CHD2: variants seen among roughly 807,000 people sequenced by gnomAD.
CHD2 encodes the protein chromodomain helicase DNA binding protein 2, also known as ATP-dependent chromatin remodeler CHD2.
CHD2 carries 28 observed loss-of-function variants against 243.9 expected under a neutral mutation model. The ratio of observed to expected loss-of-function variants is 0.11; its 90% CI spans 0.09 to 0.16. The LOEUF (loss-of-function observed/expected upper bound fraction) is 0.16. Among genes scored for constraint, CHD2 ranks in the 10% least tolerant of loss-of-function variants. The pLI is 1.00. For missense variants in CHD2, 1,386 were observed against 2,209.8 expected (o/e 0.63, Z 7.47); for synonymous variants, 775 against 779.0 (o/e 0.99, Z 0.09).
chr15:93,020,611 T>C (rs2054523158), intron 38 of CHD2: 1 of 456,652 alleles, frequency 2.2e-6, no homozygotes, highest in Admixed American at 3.8e-5. Context: ...CAGCCCACAG[T>C]CCTTACCTGC....
chr15:92,932,345 A>T (rs1292940408), intron 5 of CHD2, among the ~76,000 whole-genome samples: 1 of 148,262 alleles, frequency 6.7e-6, no homozygotes, highest in African/African-American at 2.5e-5. Flanking sequence ...CACAATGTGC[A>T]GGTTTGTTAC....
intron 12 of CHD2, chr15:92,947,401 C>T (rs2053487372): frequency 6.6e-6 from 1 of 152,024 alleles, no homozygotes; most frequent in Admixed American, 6.6e-5. Context: ...TCTTATAGTT[C>T]AATAGGAGAA....
At chr15:92,940,857 TAAATATATA>T (rs1290126465) in intron 7 of CHD2, among the ~76,000 whole-genome samples, 6 of 131,846 alleles carry the variant, frequency 4.6e-5, no homozygotes, top group Non-Finnish European at 9.6e-5. Context: ...TATAAATATA[TAAATATATA>T]AAAATATACA....
chr15:92,956,117 A>G (rs2141816055), intron 15 of CHD2, among the ~76,000 whole-genome samples: 1 of 152,312 alleles, frequency 6.6e-6, no homozygotes, highest in Non-Finnish European at 1.5e-5. Context: ...AGAATAGGCA[A>G]GAGAAGGACC....
intron 13 of CHD2, 109 bp downstream of exon 13, chr15:92,949,185 A>G (rs2053518197): frequency 1.9e-6 from 3 of 1,546,780 alleles, no homozygotes; most frequent in Non-Finnish European, 2.6e-6. Flanking sequence ...TATCTCAACC[A>G]AGAAATCTTT....
intron 9 of CHD2, chr15:92,943,631 T>G (rs552702426): frequency 6.3e-6 from 1 of 157,984 alleles, no homozygotes; most frequent in East Asian, 1.9e-4. Context: ...TTAGTTTACT[T>G]ACAGCCTTGA....
chr15:92,935,170 G>A (rs923125501), intron 5 of CHD2, among the ~76,000 whole-genome samples: 1 of 151,926 alleles, frequency 6.6e-6, no homozygotes, highest in African/African-American at 2.4e-5. Flanking sequence ...AGAGTAGCTG[G>A]GACTACGGGC....
intron 16 of CHD2, among the ~76,000 whole-genome samples, chr15:92,962,556 C>T (rs189874371): frequency 6.6e-6 from 1 of 152,064 alleles, no homozygotes; most frequent in Non-Finnish European, 1.5e-5. Context: ...ATTAAATAGT[C>T]TTAGTATGCT....
At chr15:93,017,620 A>T (rs1971828) in intron 37 of CHD2, among the ~76,000 whole-genome samples, 134,239 of 151,610 alleles carry the variant, frequency 0.89, 61,263 homozygotes, top group East Asian at 1. Flanking sequence ...GTGTTGGGAT[A>T]ACAGGCGTGA....
chr15:92,946,296 A>G (rs2053466776), intron 12 of CHD2, 80 bp downstream of exon 12: 2 of 1,113,508 alleles, frequency 1.8e-6, no homozygotes, highest in Admixed American at 5.9e-5. Flanking sequence ...TGCTGAGAAA[A>G]TATTACAAAA....
intron 12 of CHD2, chr15:92,946,557 G>T (rs1352269939): frequency 6.4e-6 from 1 of 156,316 alleles, no homozygotes; most frequent in African/African-American, 2.4e-5. Context: ...CACTATCTTG[G>T]CTAACTGCAA....
chr15:92,948,768 G>A (rs975243812), intron 12 of CHD2, among the ~76,000 whole-genome samples, 184 bp from the exon 13 acceptor site: 22 of 152,182 alleles, frequency 1.4e-4, no homozygotes, highest in African/African-American at 5.1e-4. Flanking sequence ...GAACCCGGGA[G>A]GCAGAGCTTG....
At chr15:92,980,242 G>GT (rs2053962362) in intron 22 of CHD2, among the ~76,000 whole-genome samples, 5 of 100,152 alleles carry the variant, frequency 5.0e-5, no homozygotes, top group African/African-American at 7.2e-5. Flanking sequence ...TTTTTTTTTA[G>GT]TAGAGACAGG....
rs146176480 is a variant in CHD2 at position 92,963,835 on chromosome 15, G to A, written c.2001-3490G>A. Among the ~76,000 whole-genome samples the A allele has an allele frequency of 1.7e-3, 266 of 152,270 alleles. 1 individual carries two copies. The highest frequency in any genetic ancestry group is 0.017 in the Middle Eastern group (5 of 294). ...ACATCCTTCATAAAACCATTGAGAC[G>A]AAGTAAGGTCACCCTACGTAGTAAG... On this transcript the variant is annotated intron_variant, in intron 16 of 38. Transcript: ENST00000394196.
At chr15:92,971,703 C>G (rs1048936704) in intron 17 of CHD2, 62 bp from the exon 18 acceptor site, 2 of 1,483,636 alleles carry the variant, frequency 1.3e-6, no homozygotes, top group Admixed American at 2.0e-5. Flanking sequence ...TTATACTCTT[C>G]TGGTACCTAC....
chr15:92,920,644 A>C (rs186288570), intron 2 of CHD2, among the ~76,000 whole-genome samples: 4 of 152,126 alleles, frequency 2.6e-5, no homozygotes, highest in Admixed American at 2.6e-4. Context: ...TTGCTGTTGG[A>C]GTTTTCTGTT....
At chr15:92,991,401 A>T (rs2054118091) in intron 26 of CHD2, 75 bp from the exon 27 acceptor site, 3 of 1,120,806 alleles carry the variant, frequency 2.7e-6, no homozygotes, top group Non-Finnish European at 4.0e-6. Flanking sequence ...ATATGTCATC[A>T]CAGGATATGC....
chr15:92,936,593 G>C (rs1254551586), intron 5 of CHD2, among the ~76,000 whole-genome samples: 1 of 152,126 alleles, frequency 6.6e-6, no homozygotes, highest in Non-Finnish European at 1.5e-5. Context: ...AACATCTACT[G>C]TATCTAATAA....
intron 9 of CHD2, 188 bp from the exon 10 acceptor site, chr15:92,944,227 T>C (rs2053426985): frequency 4.5e-6 from 2 of 446,990 alleles, no homozygotes; most frequent in Admixed American, 6.9e-5. Context: ...CAGTGTTCTC[T>C]AAAAGTGTTT....
Sources: gnomAD v4.1 joint callset for allele counts (sites outside exome capture counted in the v4.1 genomes callset) on GRCh38, gnomAD v4.1.1 for gene constraint, MANE v1.5 for transcripts, NCBI Gene and HGNC (gene_info 2026-07-23, HGNC 2026-07-21) for gene names.